The following RYR2 variants were observed in gnomAD, a reference collection of about 807,000 sequenced individuals.
RYR2 encodes ryanodine receptor 2.
A neutral mutation model predicts 601.1 loss-of-function variants in RYR2; 227 were observed. The ratio of observed to expected loss-of-function variants is 0.38; its 90% CI spans 0.34 to 0.42. The LOEUF (loss-of-function observed/expected upper bound fraction) is 0.42, where lower values mean the gene tolerates loss of function less well. Ranked by LOEUF, RYR2 falls within the 10% of genes least tolerant of loss-of-function variation. The probability of loss-of-function intolerance (pLI) is 1.00; values close to 1 mark genes in which losing one functional copy is unlikely to be tolerated. For synonymous variants in RYR2, 2,223 were observed against 2,175.1 expected, an observed-to-expected ratio of 1.02 and a Z score of -0.61; for missense variants, 4,646 against 6,156.5, an observed-to-expected ratio of 0.75 and a Z score of 8.21.
chr1:237,499,237 C>T (rs1229498752), intron 20 of RYR2, among the ~76,000 whole-genome samples: 2 of 152,064 alleles, frequency 1.3e-5, no homozygotes, highest in African/African-American at 4.8e-5. Flanking sequence ...TTCATTTCTT[C>T]TCTTCAATTT....
chr1:237,570,529 G>A (rs1398861233), intron 29 of RYR2, among the ~76,000 whole-genome samples: 4 of 151,790 alleles, frequency 2.6e-5, no homozygotes, highest in Admixed American at 2.0e-4. Context: ...AGTAGAGACG[G>A]GGTTTCACCT....
intron 66 of RYR2, among the ~76,000 whole-genome samples, 169 bp downstream of exon 66, chr1:237,702,228 G>A (rs1558250190): frequency 6.6e-6 from 1 of 152,046 alleles, no homozygotes; most frequent in Non-Finnish European, 1.5e-5. Flanking sequence ...AATAAGAATT[G>A]ATATAATAAA....
chr1:237,705,332 G>A lies in RYR2; in HGVS notation c.9569G>A (p.Arg3190Gln), dbSNP rs369276868. 172 of 1,604,356 alleles carry A rather than the reference G, an allele frequency of 1.1e-4. No individual in the cohort carries two copies. The highest frequency in any genetic ancestry group is 1.3e-4 in the Non-Finnish European group (156 of 1,174,752). Residue 3190 changes from arginine (R) to glutamine (Q), a missense_variant, in exon 67 of 105, where the codon CGA becomes CAA. Arg to Gln is a conservative substitution (Grantham distance 43). Around this residue, in one of 17 missense-constraint regions of RYR2, gnomAD observed 1,497 missense variants for 1,842.6 expected, o/e 0.81. Coordinates refer to ENST00000366574, the MANE Select transcript of RYR2 (RefSeq NM_001035.3). ...IYSIYNTKSSRERAALSLPTN... is the reference protein window; with the variant it reads ...IYSIYNTKSSQERAALSLPTN... ...TCCATCTACAATACCAAGTCTTCAC[G>A]AGAAAGAGCAGGTAACACAGAAACA...
intron 1 of RYR2, among the ~76,000 whole-genome samples, chr1:237,071,262 C>G (rs1359193383): frequency 6.6e-6 from 1 of 151,684 alleles, no homozygotes; most frequent in Non-Finnish European, 1.5e-5. Context: ...TTGCTCTTGT[C>G]CCCCAGGCTG....
intron 80 of RYR2, among the ~76,000 whole-genome samples, chr1:237,755,677 T>C (rs1442159463): frequency 1.3e-5 from 2 of 152,210 alleles, no homozygotes; most frequent in African/African-American, 4.8e-5. Context: ...TACCATGCAG[T>C]ATCGTTTGTT....
chr1:237,459,623 A>T (rs1659241615), intron 16 of RYR2, among the ~76,000 whole-genome samples: 1 of 152,226 alleles, frequency 6.6e-6, no homozygotes, highest in South Asian at 2.1e-4. Context: ...TTATATAATC[A>T]TAGAAAAGGC....
intron 71 of RYR2, among the ~76,000 whole-genome samples, chr1:237,714,237 G>T (rs1689073442): frequency 6.6e-6 from 1 of 152,170 alleles, no homozygotes; most frequent in Non-Finnish European, 1.5e-5. Flanking sequence ...GTGCCTCACA[G>T]ATTATAGGCA....
intron 36 of RYR2, among the ~76,000 whole-genome samples, chr1:237,613,366 G>T (rs940100525): frequency 5.3e-5 from 8 of 152,184 alleles, no homozygotes; most frequent in Non-Finnish European, 1.2e-4. Context: ...TCAGTGCGCA[G>T]TGCTAATACA....
At chr1:237,700,169 T>C (rs757386721) in intron 64 of RYR2, 60 bp from the exon 65 acceptor site, 3 of 1,032,394 alleles carry the variant, frequency 2.9e-6, no homozygotes, top group Non-Finnish European at 4.3e-6. Context: ...GAACCACAAT[T>C]CATTTATATT....
intron 1 of RYR2, among the ~76,000 whole-genome samples, chr1:237,092,625 G>A (rs1667097487): frequency 6.6e-6 from 1 of 151,404 alleles, no homozygotes; most frequent in African/African-American, 2.4e-5. Context: ...CGCCTCCTGG[G>A]TTCAAGTGAT....
chr1:237,193,848 T>C (rs1442755749), intron 1 of RYR2, among the ~76,000 whole-genome samples: 2 of 151,770 alleles, frequency 1.3e-5, no homozygotes, highest in Non-Finnish European at 1.5e-5. Context: ...AATGTATTTG[T>C]TACATCTCTG....
chr1:237,049,583 T>C (rs1443682500), intron 1 of RYR2, among the ~76,000 whole-genome samples: 1 of 152,160 alleles, frequency 6.6e-6, no homozygotes, highest in Non-Finnish European at 1.5e-5. Flanking sequence ...ACCCTGGGAC[T>C]GGAAAGAAAA....
intron 2 of RYR2, among the ~76,000 whole-genome samples, chr1:237,328,998 A>G (rs947706307): frequency 1.3e-5 from 2 of 152,172 alleles, no homozygotes; most frequent in African/African-American, 4.8e-5. Flanking sequence ...GTTGGACTGC[A>G]TACTGGATCC....
In RYR2 at chr1:237,416,034, G is replaced by A. The variant is rs1425656839; in HGVS notation, c.774-1015G>A. 2.6e-5 allele frequency among the ~76,000 whole-genome samples: 4 copies of A among 152,284 alleles called. No homozygotes were observed. The East Asian group carries it at 5.8e-4, about 22-fold the overall frequency. ...AGAATGAGAAGGATTATCTAAACAG[G>A]TAGGGAACGGCAGGTGAGAATGGTG... is the stretch of plus-strand genomic sequence containing the variant. On this transcript the variant is annotated intron_variant, in intron 10 of 104. Transcript: ENST00000366574.
At chr1:237,433,871 T>TAAA (rs779079846) in intron 12 of RYR2, among the ~76,000 whole-genome samples, 2 of 152,156 alleles carry the variant, frequency 1.3e-5, no homozygotes, top group East Asian at 3.9e-4. Flanking sequence ...GGCAAACACT[T>TAAA]AAAAAAAATG....
At chr1:237,606,804 C>A (rs1371728297) in intron 35 of RYR2, among the ~76,000 whole-genome samples, 2 of 152,306 alleles carry the variant, frequency 1.3e-5, no homozygotes, top group Admixed American at 1.3e-4. Flanking sequence ...GTCATTTATG[C>A]AGCCAACAGA....
chr1:237,268,221 A>G (rs1453176087), intron 1 of RYR2, among the ~76,000 whole-genome samples: 1 of 152,216 alleles, frequency 6.6e-6, no homozygotes, highest in Non-Finnish European at 1.5e-5. Context: ...GTAAGAGTGT[A>G]GTTACTTACC....
intron 2 of RYR2, among the ~76,000 whole-genome samples, chr1:237,312,294 G>C (rs868652610): frequency 1.6e-4 from 25 of 152,292 alleles, no homozygotes; most frequent in Admixed American, 7.2e-4. Context: ...TTATTTCATA[G>C]GCAAGCTGTT....
chr1:237,597,293 T>C (rs1301911570), intron 34 of RYR2, among the ~76,000 whole-genome samples: 1 of 140,316 alleles, frequency 7.1e-6, no homozygotes, highest in East Asian at 2.0e-4. Flanking sequence ...AAGTCCAGAG[T>C]ATTTTTTTTT....
Sources: allele counts gnomAD v4.1 joint callset (sites outside exome capture counted in the v4.1 genomes callset), GRCh38; gene constraint gnomAD v4.1.1; regional missense constraint gnomAD v4.1.1; transcripts MANE v1.5; gene names NCBI Gene and HGNC (gene_info 2026-07-23, HGNC 2026-07-21).